The following KREMEN1 variants were observed in gnomAD, a reference collection of about 807,000 sequenced individuals.
The protein encoded by KREMEN1 is kremen protein 1.
Under a neutral mutation model 46.5 loss-of-function variants are expected in KREMEN1, and 30 were observed. The observed-to-expected ratio is 0.65, with a 90% CI of 0.48 to 0.88. The LOEUF is 0.88. Ranked by LOEUF, KREMEN1 falls within the 40% of genes least tolerant of loss-of-function variation. The pLI is 0.00. For synonymous variants in KREMEN1, 214 were observed against 230.6 expected (o/e 0.93, Z 0.65); for missense variants, 533 against 596.9 (o/e 0.89, Z 1.11).
chr22:29,095,612 T>C (rs1034868677), intron 2 of KREMEN1, among the ~76,000 whole-genome samples: 2 of 152,226 alleles, frequency 1.3e-5, no homozygotes, highest in African/African-American at 2.4e-5. Flanking sequence ...TCTACATACA[T>C]TGGAATCTCA....
intron 9 of KREMEN1, among the ~76,000 whole-genome samples, chr22:29,157,305 C>T (rs755683467): frequency 6.6e-6 from 1 of 152,162 alleles, no homozygotes; most frequent in Non-Finnish European, 1.5e-5. Context: ...GCCCAGAGAG[C>T]AGAATTCGTG....
chr22:29,112,343 G>A lies in KREMEN1; in HGVS notation c.353-9014G>A, dbSNP rs558760790. On this transcript the variant is annotated intron_variant, in intron 3 of 8. Coordinates refer to ENST00000400335, the MANE Select transcript of KREMEN1 (RefSeq NM_001039570.3). ...CTTGTCCCCAGCCAGCAGTAGTTAT[G>A]GGAGCAGATGCTCTGAGAAGGTGCT... Among the ~76,000 whole-genome samples, 18 of 152,232 alleles carry A rather than the reference G, an allele frequency of 1.2e-4. 1 individual carries two copies. In the East Asian group the frequency reaches 3.5e-3, roughly 29 times the overall value.
intron 5 of KREMEN1, among the ~76,000 whole-genome samples, chr22:29,134,952 A>ATGG (rs2038633196): frequency 6.6e-6 from 1 of 152,056 alleles, no homozygotes; most frequent in African/African-American, 2.4e-5. Flanking sequence ...GGCTGTACTC[A>ATGG]TGGTGAGGTC....
intron 5 of KREMEN1, among the ~76,000 whole-genome samples, chr22:29,136,322 C>T (rs1341279297): frequency 6.6e-6 from 1 of 151,408 alleles, no homozygotes; most frequent in Admixed American, 6.6e-5. Flanking sequence ...GCCTATAATC[C>T]CAGCACTTTG....
At chr22:29,081,146 C>T (rs1022295122) in intron 1 of KREMEN1, among the ~76,000 whole-genome samples, 2 of 152,000 alleles carry the variant, frequency 1.3e-5, no homozygotes, top group African/African-American at 4.8e-5. Flanking sequence ...CCACTCCCCC[C>T]GTCCTTCTTT....
chr22:29,092,035 G>T (rs544764282), intron 1 of KREMEN1, among the ~76,000 whole-genome samples: 1 of 152,288 alleles, frequency 6.6e-6, no homozygotes, highest in South Asian at 2.1e-4. Flanking sequence ...AGACACCGAG[G>T]AAGAGTCTGA....
chr22:29,080,062 A>G (rs1012547457), intron 1 of KREMEN1, among the ~76,000 whole-genome samples: 2 of 152,236 alleles, frequency 1.3e-5, no homozygotes, highest in African/African-American at 4.8e-5. Context: ...GAAATCTACA[A>G]TAATAAAATC....
chr22:29,132,069 T>C (rs2038572504), intron 5 of KREMEN1, among the ~76,000 whole-genome samples: 1 of 151,700 alleles, frequency 6.6e-6, no homozygotes, highest in Non-Finnish European at 1.5e-5. Flanking sequence ...ATGGGGTTTC[T>C]CCGGGTTGGT....
intron 3 of KREMEN1, among the ~76,000 whole-genome samples, chr22:29,117,139 G>A (rs1304228080): frequency 1.3e-5 from 2 of 152,110 alleles, no homozygotes; most frequent in African/African-American, 2.4e-5. Flanking sequence ...ACATTAAAAC[G>A]TGTGTGTGTC....
rs556237315 is a variant in KREMEN1, at chr22:29,134,814, G to C, written c.632-2528G>C. On this transcript the variant is annotated intron_variant, in intron 5 of 8. Coordinates refer to ENST00000400335, the MANE Select transcript of KREMEN1 (RefSeq NM_001039570.3). ...GCTTAGTGTGGAGCCTAGAGTACCC[G>C]TGAGTTTTCCTCAGTAGCCCTGTTC... Among the ~76,000 whole-genome samples the C allele has an allele frequency of 5.3e-5, 8 of 152,246 alleles. No individual in the cohort carries two copies. In the East Asian group the frequency reaches 1.4e-3, roughly 26 times the overall value.
At chr22:29,079,485 A>G (rs1231935524) in intron 1 of KREMEN1, among the ~76,000 whole-genome samples, 1 of 152,210 alleles carries the variant, frequency 6.6e-6, no homozygotes. Flanking sequence ...TTATTGTTCA[A>G]TTTGCCACAA....
chr22:29,141,329 C>T (rs2038759948), intron 8 of KREMEN1, among the ~76,000 whole-genome samples: 1 of 151,912 alleles, frequency 6.6e-6, no homozygotes, highest in Admixed American at 6.6e-5. Flanking sequence ...GTTTTAAAGT[C>T]ACAATTCACA....
intron 9 of KREMEN1, among the ~76,000 whole-genome samples, chr22:29,157,581 A>G (rs2038974220): frequency 6.6e-6 from 1 of 151,842 alleles, no homozygotes; most frequent in Non-Finnish European, 1.5e-5. Context: ...CAAGTGATCC[A>G]CCTGCCTCGG....
Position 29,120,525 on chromosome 22 carries a change from T to C in KREMEN1, c.353-832T>C, listed in dbSNP as rs1390059413. Among the ~76,000 whole-genome samples, 40 of 111,204 alleles carry C rather than the reference T, an allele frequency of 3.6e-4. 1 individual carries two copies. Among genetic ancestry groups the C allele is most frequent in the Admixed American group, 6.5e-4 (6 of 9,246 alleles). The allele number at this position is 111,204 out of a possible 152,430, so 73.0% of individuals were successfully genotyped here. ...AAGGAAACGGAGGAGGGAGAGGTGA[T>C]GATGGAAACGGAGGAGGGAGAGGTG... On this transcript the variant is annotated intron_variant, in intron 3 of 8. Transcript: ENST00000400335.
In KREMEN1 at chr22:29,073,228, G is replaced by A; in HGVS notation, c.97+1G>A. 8.6e-7 allele frequency: 1 copy of A among 1,160,562 alleles called. No homozygotes were observed. The highest frequency in any genetic ancestry group is 1.1e-6 in the Non-Finnish European group (1 of 937,894). The allele number at this position is 1,160,562 out of a possible 1,614,324, so 71.9% of individuals were successfully genotyped here. ...AGCCCCGGCCTCGGCCCCGGACCCG[G>A]TGAGTGTGAGCGACCCCCCGCCGCC... On this transcript the variant is annotated splice_donor_variant, in intron 1 of 8. Transcript: ENST00000400335. LOFTEE classifies it high-confidence loss of function. This position sits in a 1 kb window ranked among gnomAD's most constrained non-coding sequence, Gnocchi z 4.4.
intron 5 of KREMEN1, among the ~76,000 whole-genome samples, chr22:29,132,357 A>T (rs144022763): frequency 8.2e-4 from 125 of 152,278 alleles, no homozygotes; most frequent in African/African-American, 2.7e-3. Context: ...TTATGTGGAC[A>T]TATGTTGTCA....
chr22:29,093,198 AG>A (rs1217766320), intron 1 of KREMEN1, among the ~76,000 whole-genome samples: 3 of 152,168 alleles, frequency 2.0e-5, no homozygotes, highest in African/African-American at 7.2e-5. Flanking sequence ...AGACTGGAGT[AG>A]GCACATGGAT....
At chr22:29,129,957 G>A (rs1196605416) in intron 5 of KREMEN1, among the ~76,000 whole-genome samples, 2 of 152,262 alleles carry the variant, frequency 1.3e-5, no homozygotes, top group East Asian at 1.9e-4. Flanking sequence ...GAACATGTAG[G>A]CCAGAGTCAA....
rs765891436 is a variant in KREMEN1 at position 29,121,406 on chromosome 22, A to G, written c.402A>G (p.Leu134=). The change falls in exon 4 of 9, where the codon CTA becomes CTG. Residue 134 remains leucine (L), a synonymous_variant. Transcript: ENST00000400335. ...CYKDHGNPPP[L]TGTSKTSNKL... ...AGGATCATGGAAACCCACCTCCTCT[A>G]ACTGGCACCAGTAAAACGTCCAACA... 1 of 1,614,080 alleles carries G rather than the reference A, an allele frequency of 6.2e-7. No homozygotes were observed. The highest frequency in any genetic ancestry group is 8.5e-7 in the Non-Finnish European group (1 of 1,180,002).
Sources: allele counts gnomAD v4.1 joint callset (sites outside exome capture counted in the v4.1 genomes callset), GRCh38; gene constraint gnomAD v4.1.1; non-coding constraint Gnocchi (gnomAD v3.1); transcripts MANE v1.5; gene names NCBI Gene and HGNC (gene_info 2026-07-23, HGNC 2026-07-21).